The following WDFY4 variants were observed in gnomAD, a reference collection of about 807,000 sequenced individuals.
WDFY4 encodes the protein WDFY family member 4.
In WDFY4, 169 loss-of-function variants were observed where a neutral mutation model predicts 351.9. The observed-to-expected ratio is 0.48, with a 90% confidence interval of 0.42 to 0.55. The LOEUF is 0.55. Ranked by LOEUF, WDFY4 falls within the 20% of genes least tolerant of loss-of-function variation. The pLI is 0.00. For synonymous variants in WDFY4, 1,622 were observed against 1,574.6 expected, an observed-to-expected ratio of 1.03 and a Z score of -0.71; for missense variants, 3,803 against 3,935.6, an observed-to-expected ratio of 0.97 and a Z score of 0.90.
At position 48,863,673 on chromosome 10, in the gene WDFY4, C is replaced by T. The variant is rs551372717; in HGVS notation, c.6664-3592C>T. Reference sequence around the variant, plus strand: ...TTTTTTACTTTCTAATAGTGTCTTTCGAAGCACAAATTTTTACTTTTGGTG... The same window carrying T: ...TTTTTTACTTTCTAATAGTGTCTTTTGAAGCACAAATTTTTACTTTTGGTG... On this transcript the variant is annotated intron_variant, in intron 39 of 61. Transcript: ENST00000325239. 5.7e-4 allele frequency among the ~76,000 whole-genome samples: 87 copies of T among 151,378 alleles called. 1 individual carries two copies. Among genetic ancestry groups the T allele is most frequent in the African/African-American group, 1.8e-3 (74 of 41,198 alleles).
intron 20 of WDFY4, among the ~76,000 whole-genome samples, chr10:48,787,989 T>TCTTCTC (rs2066543543): frequency 2.4e-5 from 3 of 125,976 alleles, no homozygotes; most frequent in Non-Finnish European, 3.3e-5. Flanking sequence ...TTCTTCTCCT[T>TCTTCTC]CTCCTTCTCC....
intron 39 of WDFY4, among the ~76,000 whole-genome samples, chr10:48,837,281 G>A (rs984752946): frequency 6.6e-6 from 1 of 151,838 alleles, no homozygotes; most frequent in Admixed American, 6.6e-5. Context: ...GAGCTCTCGG[G>A]CAGGGAGAAG....
At chr10:48,829,136 A>G (rs528903423) in intron 37 of WDFY4, among the ~76,000 whole-genome samples, 1 of 152,326 alleles carries the variant, frequency 6.6e-6, no homozygotes, top group South Asian at 2.1e-4. Context: ...TTTGTATACT[A>G]GAAATGAAAT....
chr10:48,735,115 T>C (rs1287142443), intron 10 of WDFY4, among the ~76,000 whole-genome samples: 2 of 152,168 alleles, frequency 1.3e-5, no homozygotes, highest in African/African-American at 4.8e-5. Context: ...AAACATGCTT[T>C]CAAGGTGATT....
intron 43 of WDFY4, among the ~76,000 whole-genome samples, chr10:48,877,728 T>C (rs1050867846): frequency 1.3e-5 from 2 of 152,192 alleles, no homozygotes; most frequent in African/African-American, 4.8e-5. Context: ...AGGGTGGCTC[T>C]GGGGATGAAG....
intron 13 of WDFY4, among the ~76,000 whole-genome samples, chr10:48,761,188 G>A (rs186095837): frequency 5.6e-4 from 86 of 152,270 alleles, no homozygotes; most frequent in African/African-American, 2.1e-3. Flanking sequence ...GGCTAGGGGA[G>A]GAGCAAATTG....
At position 48,972,801 on chromosome 10, in the gene WDFY4, A is replaced by G. The variant is rs2131845705; in HGVS notation, c.8929-2061A>G. Among the ~76,000 whole-genome samples, 3 of 152,336 alleles carry G rather than the reference A, an allele frequency of 2.0e-5. 1 individual carries two copies. The highest frequency in any genetic ancestry group is 4.4e-5 in the Non-Finnish European group (3 of 68,020). On this transcript the variant is annotated intron_variant, in intron 57 of 61. Transcript: ENST00000325239. ...ACCAGCAATCAAGAGCACCCGTTTC[A>G]TGGCAATGTAACCAGCATGGGGAAT...
At chr10:48,831,231 G>C (rs192936504) in intron 38 of WDFY4, among the ~76,000 whole-genome samples, 35 of 152,286 alleles carry the variant, frequency 2.3e-4, no homozygotes, top group East Asian at 1.2e-3. Context: ...ACCTTTCACT[G>C]TCATGCAATG....
intron 39 of WDFY4, among the ~76,000 whole-genome samples, chr10:48,846,239 AC>A (rs1304486710): frequency 6.6e-6 from 1 of 152,084 alleles, no homozygotes; most frequent in African/African-American, 2.4e-5. Context: ...AGGCAGGCCC[AC>A]TTCCATATTT....
chr10:48,700,906 C>T (rs1037853071), intron 1 of WDFY4, among the ~76,000 whole-genome samples: 2 of 152,182 alleles, frequency 1.3e-5, no homozygotes, highest in African/African-American at 4.8e-5. Flanking sequence ...AATTGTAGTA[C>T]ATACCACAAT....
chr10:48,806,586 C>T (rs1012057887), intron 27 of WDFY4, among the ~76,000 whole-genome samples: 1 of 152,200 alleles, frequency 6.6e-6, no homozygotes, highest in Non-Finnish European at 1.5e-5. Flanking sequence ...TCTGTGTTTC[C>T]AAAGCCCCTT....
rs1310942406 is a variant in WDFY4 at position 48,807,932 on chromosome 10, T to G, written c.4812T>G (p.Ser1604=). ...TGGAGATGCTGCTCAGTGTAATATCTTCCCCCCAGCTTCATCTGTCCTCTG... is the reference window on the plus strand; with the variant it reads ...TGGAGATGCTGCTCAGTGTAATATCGTCCCCCCAGCTTCATCTGTCCTCTG... ...QLLEMLLSVI[S]SPQLHLSSES... is the part of the protein sequence containing the mutation. The change falls in exon 28 of 62, where the codon TCT becomes TCG. Residue 1604 remains serine (S), a synonymous_variant. Coordinates refer to ENST00000325239, the MANE Select transcript of WDFY4 (RefSeq NM_001394531.1). The G allele has an allele frequency of 1.9e-6, 3 of 1,549,012 alleles. No individual in the cohort carries two copies. The highest frequency in any genetic ancestry group is 4.9e-5 in the East Asian group (2 of 40,730).
chr10:48,962,613 A>G (rs766519555), intron 53 of WDFY4, among the ~76,000 whole-genome samples: 7 of 152,208 alleles, frequency 4.6e-5, no homozygotes, highest in Non-Finnish European at 8.8e-5. Context: ...TCTGGGCTCT[A>G]TGCATGAAAG....
Position 48,780,209 on chromosome 10 carries a change from T to A in WDFY4, c.3576+90T>A, listed in dbSNP as rs565887111. ...GCCTCGGTTTCATTCTATGTTTTTG[T>A]TGTTGTTTGTTTGTTTGTTTATTAC... is the stretch of plus-strand genomic sequence containing the variant. On this transcript the variant is annotated intron_variant, in intron 19 of 61. Transcript: ENST00000325239. The A allele has an allele frequency of 2.8e-6, 4 of 1,453,700 alleles. No individual in the cohort carries two copies. In the African/African-American group the frequency reaches 5.7e-5, roughly 21 times the overall value. The allele number at this position is 1,453,700 out of a possible 1,614,324, so 90.1% of individuals were successfully genotyped here. A position where few individuals can be genotyped will look rare whatever the true frequency, so the allele number is the denominator to read the frequency against.
rs1446649270 is a variant in WDFY4 at position 48,805,381 on chromosome 10, T to C, written c.4606T>C (p.Cys1536Arg). The C allele has an allele frequency of 2.6e-6, 4 of 1,549,466 alleles. No homozygotes were observed. Among genetic ancestry groups the C allele is most frequent in the Non-Finnish European group, 3.5e-6 (4 of 1,147,020 alleles). The change falls in exon 26 of 62, where the codon TGT becomes CGT. Residue 1536 changes from cysteine (C) to arginine (R), a missense_variant. By Grantham distance (180) the Cys-to-Arg change is radical. Transcript: ENST00000325239. ...KISTIIGILACQLRGHFSTQD... is the reference protein window; with the variant it reads ...KISTIIGILARQLRGHFSTQD... ...CTCCACCATCATTGGCATCCTGGCC[T>C]GTCAGCTGAGGGGCCACTTCAGCAC... is the stretch of plus-strand genomic sequence containing the variant.
At chr10:48,981,171 G>A (rs769979237) in intron 60 of WDFY4, among the ~76,000 whole-genome samples, 196 bp from the exon 61 acceptor site, 7 of 152,188 alleles carry the variant, frequency 4.6e-5, no homozygotes, top group African/African-American at 1.4e-4. Flanking sequence ...AACTATCACC[G>A]CCTGCAAATT....
chr10:48,784,530 CTTTTTTTTTTTTTTTT>C (rs71465479), intron 19 of WDFY4, among the ~76,000 whole-genome samples: 1 of 26,874 alleles, frequency 3.7e-5, no homozygotes, highest in Non-Finnish European at 6.6e-5. Context: ...GCATTGTTTG[CTTTTTTTTTTTTTTTT>C]TTTTTTTTTT....
chr10:48,876,484 C>T (rs900932505), intron 42 of WDFY4, among the ~76,000 whole-genome samples: 22 of 152,190 alleles, frequency 1.4e-4, no homozygotes, highest in African/African-American at 5.1e-4. Flanking sequence ...TTTAAAATGT[C>T]ATCAGAAGTA....
intron 39 of WDFY4, among the ~76,000 whole-genome samples, chr10:48,853,317 A>G (rs1202589466): frequency 1.3e-5 from 2 of 152,164 alleles, no homozygotes; most frequent in Non-Finnish European, 2.9e-5. Context: ...GACACTTCAA[A>G]TTCAAAATGT....
Sources: gnomAD v4.1 joint callset for allele counts (sites outside exome capture counted in the v4.1 genomes callset) on GRCh38, gnomAD v4.1.1 for gene constraint, MANE v1.5 for transcripts, NCBI Gene and HGNC (gene_info 2026-07-23, HGNC 2026-07-21) for gene names.